The following NUBPL variants were observed in gnomAD, a reference collection of about 807,000 sequenced individuals.
The protein encoded by NUBPL is iron-sulfur cluster transfer protein NUBPL.
In NUBPL, 31 loss-of-function variants were observed where a neutral mutation model predicts 45.7. The ratio of observed to expected loss-of-function variants is 0.68; its 90% confidence interval spans 0.51 to 0.92. NUBPL has a LOEUF of 0.92. Among genes scored for constraint, NUBPL ranks in the 40% least tolerant of loss-of-function variants. The pLI, the probability that NUBPL is intolerant of heterozygous loss-of-function variation, is 0.00. For missense variants in NUBPL, 401 were observed against 398.7 expected, an observed-to-expected ratio of 1.01 and a Z score of -0.05; for synonymous variants, 144 against 140.9, an observed-to-expected ratio of 1.02 and a Z score of -0.15.
chr14:31,599,693 T>TA (rs762323021), intron 4 of NUBPL, among the ~76,000 whole-genome samples: 1 of 152,106 alleles, frequency 6.6e-6, no homozygotes, highest in African/African-American at 2.4e-5. Flanking sequence ...GAAAGATTAA[T>TA]AAAAACAATA....
At chr14:31,858,684 C>A (rs1007970958) in intron 10 of NUBPL, among the ~76,000 whole-genome samples, 3 of 152,090 alleles carry the variant, frequency 2.0e-5, no homozygotes, top group Non-Finnish European at 4.4e-5. Flanking sequence ...GAAGAAAATG[C>A]TTTCCTAAGA....
At chr14:31,567,366 T>A (rs983366646) in intron 3 of NUBPL, among the ~76,000 whole-genome samples, 1 of 152,206 alleles carries the variant, frequency 6.6e-6, no homozygotes, top group Non-Finnish European at 1.5e-5. Context: ...TTTTTCAGCA[T>A]AGGAAAAATT....
intron 4 of NUBPL, among the ~76,000 whole-genome samples, chr14:31,621,174 G>T (rs1416812039): frequency 1.3e-5 from 2 of 152,298 alleles, no homozygotes; most frequent in African/African-American, 4.8e-5. Context: ...AGACTGCTGT[G>T]CTGGCATGAG....
In NUBPL at chr14:31,846,596, G is replaced by C; in HGVS notation, c.814+5G>C. On this transcript the variant is annotated splice_donor_5th_base_variant and intron_variant, in intron 9 of 10. Coordinates refer to ENST00000281081, the MANE Select transcript of NUBPL (RefSeq NM_025152.3). ...CCCTTGGTCTTGAAGTTCTAGGTAA[G>C]ACTGTGGGATGTTCTTTTGTAGAAG... 6.2e-7 allele frequency: 1 copy of C among 1,613,464 alleles called. No individual in the cohort carries two copies. Among genetic ancestry groups the C allele is most frequent in the Non-Finnish European group, 8.5e-7 (1 of 1,179,728 alleles).
At chr14:31,747,511 G>C (rs942912321) in intron 6 of NUBPL, among the ~76,000 whole-genome samples, 1 of 152,054 alleles carries the variant, frequency 6.6e-6, no homozygotes, top group Non-Finnish European at 1.5e-5. Flanking sequence ...GCCTGCTCAG[G>C]TTTGTTGTTT....
chr14:31,776,569 TCCA>T (rs2039101694), intron 6 of NUBPL, among the ~76,000 whole-genome samples: 1 of 152,214 alleles, frequency 6.6e-6, no homozygotes, highest in Non-Finnish European at 1.5e-5. Flanking sequence ...CCATGCAGTA[TCCA>T]CCTCTTAATT....
chr14:31,666,200 T>C (rs2036406873), intron 4 of NUBPL, among the ~76,000 whole-genome samples: 1 of 141,800 alleles, frequency 7.1e-6, no homozygotes. Context: ...TGTCTTTTAA[T>C]TGGGGCATTT....
intron 6 of NUBPL, among the ~76,000 whole-genome samples, chr14:31,755,874 T>A (rs1430963459): frequency 6.6e-6 from 1 of 151,014 alleles, no homozygotes. Flanking sequence ...TTAATTTTTG[T>A]ATAAGGTGTA....
At chr14:31,807,013 G>A (rs1167076208) in intron 7 of NUBPL, among the ~76,000 whole-genome samples, 1 of 151,920 alleles carries the variant, frequency 6.6e-6, no homozygotes, top group Non-Finnish European at 1.5e-5. Context: ...TCTTAATCCA[G>A]TCTATCACTG....
At chr14:31,769,676 T>C (rs1448885397) in intron 6 of NUBPL, among the ~76,000 whole-genome samples, 1 of 151,984 alleles carries the variant, frequency 6.6e-6, no homozygotes, top group African/African-American at 2.4e-5. Flanking sequence ...AAAAAAAGCT[T>C]CTTTGTTATT....
intron 4 of NUBPL, among the ~76,000 whole-genome samples, chr14:31,640,769 C>T (rs1490604480): frequency 1.3e-5 from 2 of 151,922 alleles, no homozygotes; most frequent in African/African-American, 2.4e-5. Flanking sequence ...TAATTTGATA[C>T]ACTCATGTAA....
rs528776744 is a variant in NUBPL at position 31,813,552 on chromosome 14, C to A, written c.608-13077C>A. 8.6e-5 allele frequency among the ~76,000 whole-genome samples: 13 copies of A among 151,858 alleles called. No individual in the cohort carries two copies. In the South Asian group the frequency reaches 1.5e-3, roughly 17 times the overall value. On this transcript the variant is annotated intron_variant, in intron 7 of 10. Transcript: ENST00000281081. ...ATACATCCATACACACACACACACA[C>A]ATACTTTAAGTCCTGGGATACATGT...
chr14:31,772,004 A>G, intron 6 of NUBPL: 1 of 455,468 alleles, frequency 2.2e-6, no homozygotes, highest in Non-Finnish European at 2.9e-6. Context: ...GTGTCTGTAG[A>G]TACTCTTAGG....
chr14:31,578,805 T>G (rs1447323117), intron 3 of NUBPL, among the ~76,000 whole-genome samples: 1 of 152,210 alleles, frequency 6.6e-6, no homozygotes, highest in Non-Finnish European at 1.5e-5. Flanking sequence ...GGGCAGCTTG[T>G]TGTAATTCAG....
At chr14:31,680,485 A>G (rs568576110) in intron 6 of NUBPL, among the ~76,000 whole-genome samples, 1 of 152,160 alleles carries the variant, frequency 6.6e-6, no homozygotes, top group Non-Finnish European at 1.5e-5. Flanking sequence ...TGAAATGATC[A>G]TATAATTTTT....
chr14:31,702,616 C>T (rs2037364216), intron 6 of NUBPL, among the ~76,000 whole-genome samples: 4 of 152,320 alleles, frequency 2.6e-5, no homozygotes, highest in Admixed American at 2.6e-4. Context: ...CTATGACATA[C>T]TGCAACTGAA....
At chr14:31,783,254 C>T (rs2039225246) in intron 6 of NUBPL, among the ~76,000 whole-genome samples, 1 of 152,008 alleles carries the variant, frequency 6.6e-6, no homozygotes, top group African/African-American at 2.4e-5. Context: ...TGGGGTATGC[C>T]AGGGCTCAAT....
At chr14:31,751,033 T>C (rs2038515239) in intron 6 of NUBPL, among the ~76,000 whole-genome samples, 1 of 152,100 alleles carries the variant, frequency 6.6e-6, no homozygotes, top group African/African-American at 2.4e-5. Context: ...TCAGATTTCA[T>C]GAGAACTCAC....
intron 8 of NUBPL, among the ~76,000 whole-genome samples, chr14:31,830,011 G>A (rs1462040229): frequency 6.6e-6 from 1 of 152,026 alleles, no homozygotes; most frequent in Non-Finnish European, 1.5e-5. Flanking sequence ...CTTATATGTG[G>A]GAGTCCCAGG....
Sources: gnomAD v4.1 joint callset for allele counts (sites outside exome capture counted in the v4.1 genomes callset) on GRCh38, gnomAD v4.1.1 for gene constraint, MANE v1.5 for transcripts, NCBI Gene and HGNC (gene_info 2026-07-23, HGNC 2026-07-21) for gene names.